PCDHGA2: variants seen among roughly 807,000 people sequenced by gnomAD.
The protein encoded by PCDHGA2 is protocadherin gamma-A2.
In PCDHGA2, 40 loss-of-function variants were observed where a neutral mutation model predicts 59.2. The ratio of observed to expected loss-of-function variants is 0.68; its 90% CI spans 0.52 to 0.88. The LOEUF is 0.88. Among genes scored for constraint, PCDHGA2 ranks in the 40% least tolerant of loss-of-function variants. The probability of loss-of-function intolerance (pLI) is 0.00; values close to 1 mark genes in which losing one functional copy is unlikely to be tolerated. For missense variants in PCDHGA2, 1,226 were observed against 1,204.0 expected, an observed-to-expected ratio of 1.02 and a Z score of -0.27; for synonymous variants, 560 against 526.0, an observed-to-expected ratio of 1.06 and a Z score of -0.89.
At chr5:141,419,457 A>AGGCCCGCGACCAGGGCT in intron 1 of PCDHGA2, 2 of 1,612,728 alleles carry the variant, frequency 1.2e-6, no homozygotes, top group Non-Finnish European at 1.7e-6. Context: ...CTCACGCTGC[A>AGGCCCGCGACCAGGGCT]GGCCCGCGAC....
intron 1 of PCDHGA2, chr5:141,427,942 T>C (rs1561832592): frequency 6.3e-7 from 1 of 1,586,106 alleles, no homozygotes; most frequent in Non-Finnish European, 8.6e-7. Context: ...GTGGGCGACC[T>C]CAATGACAAT....
At position 141,431,119 on chromosome 5, in the gene PCDHGA2, A is replaced by C. The variant is rs147514897; in HGVS notation, c.2425-63688A>C. 1.2e-6 allele frequency: 2 copies of C among 1,614,134 alleles called. No individual in the cohort carries two copies. The highest frequency in any genetic ancestry group is 2.7e-5 in the African/African-American group (2 of 74,956). ...ATAAAGTGAAAATATATGGAGTAGA[A>C]GTAGAAGTAAGGGACATTAACGACA... On this transcript the variant is annotated intron_variant, in intron 1 of 3. Coordinates refer to ENST00000394576, the MANE Select transcript of PCDHGA2 (RefSeq NM_018915.4). The surrounding 1 kb of genome is among the most constrained non-coding windows in gnomAD (Gnocchi z 4.8).
chr5:141,353,558 C>T (rs1204482590), intron 1 of PCDHGA2, among the ~76,000 whole-genome samples: 1 of 152,144 alleles, frequency 6.6e-6, no homozygotes, highest in East Asian at 1.9e-4. Context: ...CAATATTATT[C>T]CCACTCTATA....
intron 1 of PCDHGA2, chr5:141,356,250 A>T: frequency 3.2e-6 from 5 of 1,575,134 alleles, no homozygotes; most frequent in Non-Finnish European, 4.3e-6. Context: ...TCACAGTTAC[A>T]TCTCTCACCA....
chr5:141,404,411 G>A, intron 1 of PCDHGA2: 1 of 1,613,854 alleles, frequency 6.2e-7, no homozygotes, highest in Non-Finnish European at 8.5e-7. Flanking sequence ...GAATTCTAGA[G>A]TTATTTACTC....
rs1407538556 is a variant in PCDHGA2, at chr5:141,340,933, C to G, written c.1962C>G (p.Leu654=). The G allele has an allele frequency of 1.9e-6, 3 of 1,613,762 alleles. No homozygotes were observed. Among genetic ancestry groups the G allele is most frequent in the Non-Finnish European group, 2.5e-6 (3 of 1,179,828 alleles). The change falls in exon 1 of 4, where the codon CTC becomes CTG. Residue 654 remains leucine (L), a synonymous_variant. Transcript: ENST00000394576. ...VAIQDHGQPP[L]SATVTLTVAV... ...TCCAGGACCACGGCCAGCCCCCTCT[C>G]TCCGCCACTGTCACGCTCACCGTGG...
chr5:141,385,549 C>T, intron 1 of PCDHGA2: 3 of 1,316,166 alleles, frequency 2.3e-6, no homozygotes, highest in East Asian at 2.9e-5. Context: ...TGGACTATCA[C>T]ATTTTATAAT....
At chr5:141,462,121 T>A (rs977258025) in intron 1 of PCDHGA2, among the ~76,000 whole-genome samples, 2 of 151,730 alleles carry the variant, frequency 1.3e-5, no homozygotes, top group Non-Finnish European at 2.9e-5. Context: ...CTGCACCCAG[T>A]CCAATTTTTT....
intron 1 of PCDHGA2, among the ~76,000 whole-genome samples, chr5:141,387,402 T>C (rs953681527): frequency 6.6e-5 from 10 of 152,186 alleles, no homozygotes; most frequent in African/African-American, 2.4e-4. Context: ...TGTTTGAAGA[T>C]TGGGGAAAGC....
chr5:141,478,163 C>G (rs779617960), intron 1 of PCDHGA2: 22 of 1,614,028 alleles, frequency 1.4e-5, no homozygotes, highest in Non-Finnish European at 1.9e-5. Context: ...TGGCTCTGCC[C>G]CCCGGGAGCA....
Position 141,339,622 on chromosome 5 carries a change from G to A in PCDHGA2, c.651G>A (p.Gly217=), listed in dbSNP as rs758392139. 5 of 1,614,198 alleles carry A rather than the reference G, an allele frequency of 3.1e-6. No individual in the cohort carries two copies. Among genetic ancestry groups the A allele is most frequent in the Middle Eastern group, 1.7e-4 (1 of 6,060 alleles). Residue 217 remains glycine, a synonymous_variant, in exon 1 of 4, where the codon GGG becomes GGA. Coordinates refer to ENST00000394576, the MANE Select transcript of PCDHGA2 (RefSeq NM_018915.4). ...ACCTCGTTCTCGTGGCTTCTGATGG[G>A]GGTGACCCAGTGCTATCTGGCACCT... ...VHHLVLVASD[G]GDPVLSGTSR... is the part of the protein sequence containing the mutation.
Position 141,372,073 on chromosome 5 carries a change from C to T in PCDHGA2, c.2424+30678C>T, listed in dbSNP as rs774208540. 6.2e-7 allele frequency: 1 copy of T among 1,613,648 alleles called. No homozygotes were observed. Among genetic ancestry groups the T allele is most frequent in the East Asian group, 2.2e-5 (1 of 44,880 alleles). On this transcript the variant is annotated intron_variant, in intron 1 of 3. Coordinates refer to ENST00000394576, the MANE Select transcript of PCDHGA2 (RefSeq NM_018915.4). ...GTGGACGACCGCAACGACAATGCACCGCTGGTGCTGTACCCAGCTCTGGGG... is the reference window on the plus strand; with the variant it reads ...GTGGACGACCGCAACGACAATGCACTGCTGGTGCTGTACCCAGCTCTGGGG...
In PCDHGA2 at chr5:141,340,335, C is replaced by T. The variant is rs764132682; in HGVS notation, c.1364C>T (p.Thr455Ile). 2 of 1,614,210 alleles carry T rather than the reference C, an allele frequency of 1.2e-6. No homozygotes were observed. Among genetic ancestry groups the T allele is most frequent in the Non-Finnish European group, 1.7e-6 (2 of 1,180,042 alleles). ...INDNAPAFSR[T>I]SYSTYIPENN... The stretch of plus-strand genomic sequence containing the variant: ...GACAACGCACCCGCCTTCTCCCGCA[C>T]ATCCTACTCCACCTACATTCCCGAA... The change falls in exon 1 of 4, where the codon ACA becomes ATA. Residue 455 changes from threonine to isoleucine, a missense_variant. By Grantham distance (89) the Thr-to-Ile change is moderately conservative. Transcript: ENST00000394576.
chr5:141,362,075 G>T (rs533999436), intron 1 of PCDHGA2: 1 of 1,612,962 alleles, frequency 6.2e-7, no homozygotes, highest in Non-Finnish European at 8.5e-7. Flanking sequence ...GTCGCTGTGC[G>T]TGATGGAGGA....
chr5:141,366,032 C>T (rs754474451), intron 1 of PCDHGA2: 3 of 1,614,266 alleles, frequency 1.9e-6, no homozygotes, highest in South Asian at 2.2e-5. Context: ...CCCCGCCCTC[C>T]CCACAGACGG....
At chr5:141,403,491 T>A in intron 1 of PCDHGA2, 1 of 1,614,010 alleles carries the variant, frequency 6.2e-7, no homozygotes, top group South Asian at 1.1e-5. Context: ...CACTTCTCCC[T>A]GAACGTGCAG....
chr5:141,451,582 T>C (rs1361047985), intron 1 of PCDHGA2, among the ~76,000 whole-genome samples: 1 of 152,012 alleles, frequency 6.6e-6, no homozygotes, highest in Non-Finnish European at 1.5e-5. Flanking sequence ...TAAACCTAAT[T>C]TTGAAAGTGA....
intron 1 of PCDHGA2, among the ~76,000 whole-genome samples, chr5:141,463,641 C>T (rs182957065): frequency 2.0e-5 from 3 of 151,734 alleles, no homozygotes; most frequent in African/African-American, 7.2e-5. Context: ...TTAGTAGAGA[C>T]GGGGTTTCAC....
Position 141,340,471 on chromosome 5 carries a change from C to G in PCDHGA2, c.1500C>G (p.Pro500=). The change falls in exon 1 of 4, where the codon CCC becomes CCG. Residue 500 remains proline, a synonymous_variant. Coordinates refer to ENST00000394576, the MANE Select transcript of PCDHGA2 (RefSeq NM_018915.4). ...SFAEDTVQGA[P]LSSYISINSD... is the part of the protein sequence containing the mutation. ...CGGAGGACACTGTTCAGGGGGCACC[C>G]TTATCCTCTTACATCTCTATCAACT... The G allele has an allele frequency of 4.3e-6, 7 of 1,614,234 alleles. No individual in the cohort carries two copies. The highest frequency in any genetic ancestry group is 5.9e-6 in the Non-Finnish European group (7 of 1,180,034).
Sources: gnomAD v4.1 joint callset for allele counts (sites outside exome capture counted in the v4.1 genomes callset) on GRCh38, gnomAD v4.1.1 for gene constraint, Gnocchi (gnomAD v3.1) non-coding constraint, MANE v1.5 for transcripts, NCBI Gene and HGNC (gene_info 2026-07-23, HGNC 2026-07-21) for gene names.